Variants in ARMC9 observed in about 807,000 individuals in gnomAD.
The protein encoded by ARMC9 is armadillo repeat containing 9, also known as lisH domain-containing protein ARMC9.
A neutral mutation model predicts 107.0 loss-of-function variants in ARMC9; 94 were observed. That is an observed-to-expected ratio of 0.88 (90% CI 0.74 to 1.04). The LOEUF (loss-of-function observed/expected upper bound fraction) is 1.04, where lower values mean the gene tolerates loss of function less well. Among genes scored for constraint, ARMC9 ranks in the 50% least tolerant of loss-of-function variants. The pLI, the probability that ARMC9 is intolerant of heterozygous loss-of-function variation, is 0.00. For missense variants in ARMC9, 942 were observed against 1,030.1 expected (o/e 0.91, Z 1.17); for synonymous variants, 380 against 396.9 (o/e 0.96, Z 0.51).
At chr2:231,277,747 G>A (rs1242148249) in intron 15 of ARMC9, among the ~76,000 whole-genome samples, 1 of 151,888 alleles carries the variant, frequency 6.6e-6, no homozygotes, top group African/African-American at 2.4e-5. Flanking sequence ...ATTTTTAGTA[G>A]GGAGGGGGTT....
At chr2:231,338,275 G>A (rs1002484908) in intron 20 of ARMC9, among the ~76,000 whole-genome samples, 38 of 151,344 alleles carry the variant, frequency 2.5e-4, no homozygotes, top group Admixed American at 2.4e-3. Context: ...CTGGAGTGCA[G>A]TGGCGCAATC....
intron 22 of ARMC9, among the ~76,000 whole-genome samples, chr2:231,357,016 C>T (rs1371035749): frequency 3.3e-5 from 5 of 152,044 alleles, no homozygotes; most frequent in East Asian, 3.8e-4. Flanking sequence ...TTTATTTTTG[C>T]ACTGATTGGA....
chr2:231,278,834 G>A (rs897600851), intron 16 of ARMC9, among the ~76,000 whole-genome samples: 1 of 152,174 alleles, frequency 6.6e-6, no homozygotes, highest in African/African-American at 2.4e-5. Context: ...GTGTATGTGT[G>A]TATTGAATTT....
At chr2:231,337,797 GAATC>G (rs772571833) in intron 20 of ARMC9, among the ~76,000 whole-genome samples, 7 of 152,108 alleles carry the variant, frequency 4.6e-5, no homozygotes, top group Non-Finnish European at 1.0e-4. Context: ...AAAATATCTT[GAATC>G]CTTTTCGTTT....
At chr2:231,354,028 A>T (rs2045227721) in intron 21 of ARMC9, among the ~76,000 whole-genome samples, 1 of 151,832 alleles carries the variant, frequency 6.6e-6, no homozygotes, top group Non-Finnish European at 1.5e-5. Flanking sequence ...ATATATAGAT[A>T]TATAGATTTT....
At chr2:231,298,290 C>G (rs971757286) in intron 19 of ARMC9, among the ~76,000 whole-genome samples, 1 of 152,218 alleles carries the variant, frequency 6.6e-6, no homozygotes, top group Admixed American at 6.5e-5. Context: ...TGCGCATCAC[C>G]GGTGCCAGCC....
At chr2:231,228,633 GC>G (rs1322880940) in intron 7 of ARMC9, among the ~76,000 whole-genome samples, 8 of 152,140 alleles carry the variant, frequency 5.3e-5, no homozygotes, top group Admixed American at 2.0e-4. Context: ...AATTCCTAAG[GC>G]CCCCTCACCT....
Position 231,262,402 on chromosome 2 carries a change from G to A in ARMC9, c.1119+4G>A. The A allele has an allele frequency of 6.2e-7, 1 of 1,613,464 alleles. No homozygotes were observed. The highest frequency in any genetic ancestry group is 8.5e-7 in the Non-Finnish European group (1 of 1,179,382). ...GGACTGTTATAGCCACAACCAGGTT[G>A]GTAAGAGGTGGGGCCAGATCCCAGC... On this transcript the variant is annotated splice_donor_region_variant and intron_variant, in intron 12 of 24. Coordinates refer to ENST00000611582, the MANE Select transcript of ARMC9 (RefSeq NM_001352754.2).
rs1291424452 is a variant in ARMC9, at chr2:231,262,346, T to C, written c.1067T>C (p.Val356Ala). 1.9e-6 allele frequency: 3 copies of C among 1,614,088 alleles called. No homozygotes were observed. The highest frequency in any genetic ancestry group is 1.1e-5 in the South Asian group (1 of 91,082). Reference protein sequence around the residue: ...TSHPGEQRETVLQAYISNDLL... With the variant: ...TSHPGEQRETALQAYISNDLL... ...CATCCTGGAGAGCAGAGGGAGACCG[T>C]TCTGCAAGCCTACATCAGCAATGAC... The change falls in exon 12 of 25, where the codon GTT (valine) becomes GCT (alanine). Residue 356 changes from valine to alanine, a missense_variant. By Grantham distance (64) the Val-to-Ala change is moderately conservative. Coordinates refer to ENST00000611582, the MANE Select transcript of ARMC9 (RefSeq NM_001352754.2).
In ARMC9 at chr2:231,312,780, A is replaced by G. The variant is rs1451588243; in HGVS notation, c.1773+16527A>G. On this transcript the variant is annotated intron_variant, in intron 19 of 24. Coordinates refer to ENST00000611582, the MANE Select transcript of ARMC9 (RefSeq NM_001352754.2). Reference sequence around the variant, plus strand: ...CTCAGTTCTTAATTTCAGAAACGTTACCATTCTTTTTCTAACAAAAAAGTA... The same window carrying G: ...CTCAGTTCTTAATTTCAGAAACGTTGCCATTCTTTTTCTAACAAAAAAGTA... Among the ~76,000 whole-genome samples, 3 of 152,132 alleles carry G rather than the reference A, an allele frequency of 2.0e-5. No homozygotes were observed. The East Asian group carries it at 5.8e-4, about 29-fold the overall frequency.
rs1377769230 is a variant in ARMC9 at position 231,355,892 on chromosome 2, G to A, written c.2089G>A (p.Glu697Lys). 1 of 1,536,052 alleles carries A rather than the reference G, an allele frequency of 6.5e-7. No individual in the cohort carries two copies. The highest frequency in any genetic ancestry group is 1.4e-5 in the African/African-American group (1 of 73,058). ...AGCCGCTCACGAGGCTGTCTACAGG[G>A]AGGGCAAGCCCAGCACCCCGGAGTC... ...LPAAHEAVYR[E>K]GKPSTPESCV... Residue 697 changes from glutamate (E) to lysine (K), a missense_variant, in exon 22 of 25, where the codon GAG becomes AAG. Glu to Lys is a moderately conservative substitution (Grantham distance 56). Coordinates refer to ENST00000611582, the MANE Select transcript of ARMC9 (RefSeq NM_001352754.2).
At position 231,296,188 on chromosome 2, in the gene ARMC9, T is replaced by C. The variant is rs777629007; in HGVS notation, c.1718-10T>C. 6.2e-7 allele frequency: 1 copy of C among 1,607,360 alleles called. No homozygotes were observed. The highest frequency in any genetic ancestry group is 8.5e-7 in the Non-Finnish European group (1 of 1,175,758). On this transcript the variant is annotated splice_polypyrimidine_tract_variant and intron_variant, in intron 18 of 24. Transcript: ENST00000611582. The stretch of plus-strand genomic sequence containing the variant: ...TATCCATTATTCATTGATTCTTTTT[T>C]TCTTTATAGAAGAGCTACCAGATGG...
chr2:231,292,242 C>T (rs1365713582), intron 18 of ARMC9, among the ~76,000 whole-genome samples: 1 of 151,160 alleles, frequency 6.6e-6, no homozygotes, highest in Non-Finnish European at 1.5e-5. Flanking sequence ...TCTTATCGTA[C>T]TCTAGGCATA....
At chr2:231,260,523 C>T (rs571583326) in intron 11 of ARMC9, among the ~76,000 whole-genome samples, 1 of 152,322 alleles carries the variant, frequency 6.6e-6, no homozygotes, top group East Asian at 1.9e-4. Flanking sequence ...ACAGTTCTCA[C>T]TTGCATGCTT....
At chr2:231,258,951 T>C in intron 10 of ARMC9, 40 bp from the exon 11 acceptor site, 1 of 1,539,442 alleles carries the variant, frequency 6.5e-7, no homozygotes, top group Non-Finnish European at 9.0e-7. Context: ...ACATGCCCTT[T>C]TGCCCTTTTC....
At chr2:231,270,003 G>A (rs952137103) in intron 12 of ARMC9, among the ~76,000 whole-genome samples, 1 of 151,850 alleles carries the variant, frequency 6.6e-6, no homozygotes, top group African/African-American at 2.4e-5. Context: ...GGTGGGGCCT[G>A]TCGATGGATA....
At chr2:231,258,196 T>C (rs2038012124) in intron 10 of ARMC9, among the ~76,000 whole-genome samples, 1 of 152,168 alleles carries the variant, frequency 6.6e-6, no homozygotes, top group East Asian at 1.9e-4. Context: ...TTTTTTTTCT[T>C]TTCTTTGAGA....
rs766402286 is a variant in ARMC9, at chr2:231,272,954, G to T, written c.1211-1G>T. ...CTGTTTCATCTCTGGTGTATTATCA[G>T]GTCGCCTCTACCTTGCCCAGAACAC... On this transcript the variant is annotated splice_acceptor_variant, in intron 13 of 24. Coordinates refer to ENST00000611582, the MANE Select transcript of ARMC9 (RefSeq NM_001352754.2). LOFTEE classifies it high-confidence loss of function. The T allele has an allele frequency of 1.9e-6, 3 of 1,612,934 alleles. No homozygotes were observed. The South Asian group carries it at 3.3e-5, about 18-fold the overall frequency.
chr2:231,290,434 G>C (rs2040907495), intron 17 of ARMC9, among the ~76,000 whole-genome samples: 1 of 152,210 alleles, frequency 6.6e-6, no homozygotes, highest in Admixed American at 6.5e-5. Context: ...TTCAGGCACA[G>C]TTTGATCAGG....
Sources: allele counts gnomAD v4.1 joint callset (sites outside exome capture counted in the v4.1 genomes callset), GRCh38; gene constraint gnomAD v4.1.1; transcripts MANE v1.5; gene names NCBI Gene and HGNC (gene_info 2026-07-23, HGNC 2026-07-21).